Variants in RAB38 observed in about 807,000 individuals in gnomAD.
RAB38 encodes ras-related protein Rab-38.
In RAB38, 15 loss-of-function variants were observed where a neutral mutation model predicts 18.4. The ratio of observed to expected loss-of-function variants is 0.82; its 90% CI spans 0.55 to 1.26. RAB38 has a LOEUF of 1.26. Ranked by LOEUF, RAB38 falls within the 50% of genes most tolerant of loss-of-function variation. RAB38 has a pLI of 0.00. For missense variants in RAB38, 294 were observed against 267.4 expected (o/e 1.10, Z -0.69); for synonymous variants, 101 against 104.4 (o/e 0.97, Z 0.20).
At chr11:88,067,712 A>G in the RAB38 span, among the ~76,000 whole-genome samples, 1 of 152,084 alleles carries the variant, frequency 6.6e-6, no homozygotes, top group Non-Finnish European at 1.5e-5. Flanking sequence ...ATCAAAAAAA[A>G]TGAGAACACA....
the RAB38 span, among the ~76,000 whole-genome samples, chr11:87,928,360 T>C: frequency 6.6e-6 from 1 of 152,068 alleles, no homozygotes. Context: ...TCATGTGTTC[T>C]TAAAATAAAT....
chr11:88,012,950 G>A, the RAB38 span, among the ~76,000 whole-genome samples: 16 of 152,240 alleles, frequency 1.1e-4, no homozygotes, highest in Admixed American at 9.8e-4. Flanking sequence ...AAAGTATTGT[G>A]TTACAAAGAG....
At chr11:88,175,146 G>A in intron 1 of RAB38, 37 bp downstream of exon 1, 1 of 1,520,326 alleles carries the variant, frequency 6.6e-7, no homozygotes. Context: ...CGGCCGCGAG[G>A]CGCTCTATCC....
chr11:88,010,694 C>T, the RAB38 span, among the ~76,000 whole-genome samples: 1 of 152,144 alleles, frequency 6.6e-6, no homozygotes, highest in Non-Finnish European at 1.5e-5. Flanking sequence ...TCCACTCTCT[C>T]ATTTAATTCT....
chr11:88,124,935 C>T (rs572554475), intron 2 of RAB38, among the ~76,000 whole-genome samples: 22 of 152,290 alleles, frequency 1.4e-4, no homozygotes, highest in Admixed American at 3.3e-4. Context: ...TAATTTGCTA[C>T]GCAATAAGTT....
At chr11:87,964,788 AT>A in the RAB38 span, among the ~76,000 whole-genome samples, 1 of 152,200 alleles carries the variant, frequency 6.6e-6, no homozygotes, top group Non-Finnish European at 1.5e-5. Flanking sequence ...ACATGGACTA[AT>A]TTAATTCAGA....
At chr11:88,100,322 T>C in the RAB38 span, among the ~76,000 whole-genome samples, 1 of 151,924 alleles carries the variant, frequency 6.6e-6, no homozygotes, top group Non-Finnish European at 1.5e-5. Context: ...AAAACATTTG[T>C]GGAATGGCCG....
the RAB38 span, among the ~76,000 whole-genome samples, chr11:88,017,767 C>T: frequency 1.4e-4 from 20 of 147,252 alleles, no homozygotes; most frequent in Admixed American, 2.7e-4. Context: ...GGAAGGTCAC[C>T]GCAATTCCCT....
the RAB38 span, among the ~76,000 whole-genome samples, chr11:87,876,533 A>C: frequency 6.6e-6 from 1 of 151,690 alleles, no homozygotes; most frequent in East Asian, 2.0e-4. Context: ...CCTAATAAAA[A>C]TGTTAGAATG....
the RAB38 span, among the ~76,000 whole-genome samples, chr11:87,951,454 G>A: frequency 6.6e-6 from 1 of 152,062 alleles, no homozygotes; most frequent in Non-Finnish European, 1.5e-5. Context: ...CGTTCCTTTG[G>A]AGGAGGAGAG....
the RAB38 span, among the ~76,000 whole-genome samples, chr11:87,830,729 A>G: frequency 1.3e-5 from 2 of 152,244 alleles, no homozygotes; most frequent in East Asian, 3.9e-4. Context: ...AATATCAAAT[A>G]TATTAGATAT....
chr11:87,953,712 G>T, the RAB38 span, among the ~76,000 whole-genome samples: 1 of 152,122 alleles, frequency 6.6e-6, no homozygotes, highest in East Asian at 1.9e-4. Flanking sequence ...GGCATCCAGT[G>T]AGAGTCTTGC....
chr11:87,857,684 A>G, the RAB38 span, among the ~76,000 whole-genome samples: 1 of 151,936 alleles, frequency 6.6e-6, no homozygotes, highest in Non-Finnish European at 1.5e-5. Context: ...GTCTGTTCAT[A>G]TCCTTCACCT....
chr11:88,140,487 C>G (rs1005410373), intron 2 of RAB38, among the ~76,000 whole-genome samples: 7 of 152,210 alleles, frequency 4.6e-5, no homozygotes, highest in Admixed American at 2.6e-4. Flanking sequence ...TCTCTGCACA[C>G]AAGCCATTGT....
chr11:87,860,588 T>C, the RAB38 span, among the ~76,000 whole-genome samples: 2 of 151,966 alleles, frequency 1.3e-5, no homozygotes, highest in African/African-American at 2.4e-5. Context: ...CATACATAAA[T>C]ATTAAAATGA....
chr11:87,807,816 A>C, the RAB38 span, among the ~76,000 whole-genome samples: 9 of 152,216 alleles, frequency 5.9e-5, no homozygotes, highest in Non-Finnish European at 1.0e-4. Flanking sequence ...TAGTTCTGAT[A>C]GTATAGAAAA....
chr11:87,858,916 C>A, the RAB38 span, among the ~76,000 whole-genome samples: 2 of 149,256 alleles, frequency 1.3e-5, no homozygotes, highest in African/African-American at 4.9e-5. Context: ...AAATTGTGTC[C>A]ACCTGAGTCC....
chr11:88,173,412 C>T (rs1591182131), intron 1 of RAB38, among the ~76,000 whole-genome samples: 1 of 152,124 alleles, frequency 6.6e-6, no homozygotes, highest in Admixed American at 6.5e-5. Flanking sequence ...GAGAACTTAC[C>T]TAAGATTGCC....
chr11:87,871,823 A>G, the RAB38 span, among the ~76,000 whole-genome samples: 1 of 151,508 alleles, frequency 6.6e-6, no homozygotes, highest in South Asian at 2.1e-4. Context: ...AATTTTTTCC[A>G]TGACTTCTGC....
Sources: gnomAD v4.1 joint callset for allele counts (sites outside exome capture counted in the v4.1 genomes callset) on GRCh38, gnomAD v4.1.1 for gene constraint, MANE v1.5 for transcripts, NCBI Gene and HGNC (gene_info 2026-07-23, HGNC 2026-07-21) for gene names.